The following PCDH15 variants were observed in gnomAD, a reference collection of about 807,000 sequenced individuals.
PCDH15 encodes the protein protocadherin-15.
A neutral mutation model predicts 178.5 loss-of-function variants in PCDH15; 129 were observed. The ratio of observed to expected loss-of-function variants is 0.72; its 90% confidence interval spans 0.63 to 0.84. The LOEUF (loss-of-function observed/expected upper bound fraction) is 0.84. Ranked by LOEUF, PCDH15 falls within the 40% of genes least tolerant of loss-of-function variation. The pLI, the probability that PCDH15 is intolerant of heterozygous loss-of-function variation, is 0.00. For synonymous variants in PCDH15, 800 were observed against 732.0 expected (o/e 1.09, Z -1.50); for missense variants, 2,230 against 2,099.9 (o/e 1.06, Z -1.21).
chr10:54,434,045 G>T (rs7090335), intron 3 of PCDH15, among the ~76,000 whole-genome samples: 4,947 of 152,034 alleles, frequency 0.033, 282 homozygotes, highest in African/African-American at 0.11. Context: ...AGGCTAAAAT[G>T]TGTTTAACAA....
chr10:54,754,942 CTTTT>C (rs35143502), intron 1 of PCDH15, among the ~76,000 whole-genome samples: 9 of 33,846 alleles, frequency 2.7e-4, no homozygotes, highest in Non-Finnish European at 4.4e-4. Flanking sequence ...GTTTTTCTTT[CTTTT>C]TTTTTTTTTT....
At chr10:55,205,057 T>A (rs1480854027) in intron 1 of PCDH15, among the ~76,000 whole-genome samples, 1 of 152,104 alleles carries the variant, frequency 6.6e-6, no homozygotes, top group Non-Finnish European at 1.5e-5. Context: ...GCTCCTCAGA[T>A]ATCCTCAGAT....
chr10:55,429,933 C>T (rs1838844049), intron 2 of PCDH15, among the ~76,000 whole-genome samples: 1 of 152,160 alleles, frequency 6.6e-6, no homozygotes, highest in South Asian at 2.1e-4. Context: ...TTCCCCAAAT[C>T]AACCTTTTCT....
upstream of PCDH15, among the ~76,000 whole-genome samples, chr10:55,323,067 G>C (rs1199552255): frequency 6.6e-6 from 1 of 152,206 alleles, no homozygotes; most frequent in East Asian, 1.9e-4. Flanking sequence ...TTGAAGCTCA[G>C]GCTTGAGTTC....
At chr10:55,338,525 G>A (rs1001534499) in intron 2 of PCDH15, among the ~76,000 whole-genome samples, 3 of 152,060 alleles carry the variant, frequency 2.0e-5, no homozygotes, top group Non-Finnish European at 2.9e-5. Context: ...CCCAGCACTC[G>A]GGGAGACCAA....
intron 3 of PCDH15, among the ~76,000 whole-genome samples, chr10:54,389,937 C>T (rs192814800): frequency 1.5e-4 from 23 of 152,070 alleles, no homozygotes; most frequent in Admixed American, 6.6e-4. Flanking sequence ...AGTGAGACTC[C>T]GTCTTAAAAT....
intron 2 of PCDH15, among the ~76,000 whole-genome samples, chr10:55,497,716 T>A (rs889789549): frequency 2.0e-5 from 3 of 151,908 alleles, no homozygotes; most frequent in African/African-American, 7.2e-5. Context: ...AAGACTTAGT[T>A]TGAGTGTTCT....
chr10:53,900,185 ATTCT>A (rs138715315), intron 26 of PCDH15, among the ~76,000 whole-genome samples: 11,509 of 150,432 alleles, frequency 0.077, 1,240 homozygotes, highest in African/African-American at 0.24. Flanking sequence ...GCATAAACAC[ATTCT>A]TTCTCTCTCT....
intron 1 of PCDH15, among the ~76,000 whole-genome samples, chr10:55,171,035 C>T (rs1045514427): frequency 6.6e-5 from 10 of 152,178 alleles, no homozygotes; most frequent in African/African-American, 1.9e-4. Flanking sequence ...CTCCATCTCT[C>T]AATAATAGAA....
intron 3 of PCDH15, among the ~76,000 whole-genome samples, chr10:54,853,867 AG>A (rs1415687393): frequency 6.6e-6 from 1 of 152,172 alleles, no homozygotes; most frequent in Non-Finnish European, 1.5e-5. Flanking sequence ...TTATGCCACA[AG>A]ATCTTTGGGG....
intron 8 of PCDH15, among the ~76,000 whole-genome samples, chr10:54,312,978 A>G (rs556705124): frequency 1.3e-5 from 2 of 152,244 alleles, no homozygotes; most frequent in South Asian, 2.1e-4. Context: ...TATAAATCTT[A>G]AATTCTCATT....
chr10:53,806,212 C>G lies in PCDH15; in HGVS notation c.*367G>C, dbSNP rs541375271. 2.8e-5 allele frequency: 5 copies of G among 179,224 alleles called. No individual in the cohort carries two copies. In the South Asian group the frequency reaches 6.3e-4, roughly 23 times the overall value. The allele number at this position is 179,224 out of a possible 1,614,324, so 11.1% of individuals were successfully genotyped here. Reference sequence around the variant, plus strand: ...GCTATGGAAAATAAAATTACATGTACTAAAAATGTTTTGTGGAGCTAGAAA... The same window carrying G: ...GCTATGGAAAATAAAATTACATGTAGTAAAAATGTTTTGTGGAGCTAGAAA... On this transcript the variant is annotated 3_prime_UTR_variant, in exon 38 of 38. Coordinates refer to ENST00000644397, the MANE Select transcript of PCDH15 (RefSeq NM_001384140.1).
At chr10:53,985,339 C>G (rs2091018974) in intron 21 of PCDH15, among the ~76,000 whole-genome samples, 1 of 152,178 alleles carries the variant, frequency 6.6e-6, no homozygotes, top group East Asian at 1.9e-4. Flanking sequence ...GGGTACTTCA[C>G]ACTAACTAAT....
At chr10:53,964,228 T>C (rs2088692992) in intron 21 of PCDH15, among the ~76,000 whole-genome samples, 1 of 152,060 alleles carries the variant, frequency 6.6e-6, no homozygotes, top group Non-Finnish European at 1.5e-5. Context: ...GCATATATTT[T>C]ATGTATTTAC....
intron 2 of PCDH15, among the ~76,000 whole-genome samples, chr10:55,136,292 TAAAC>T (rs1217189659): frequency 6.6e-6 from 1 of 152,128 alleles, no homozygotes; most frequent in Admixed American, 6.6e-5. Flanking sequence ...TGTTTTCTGT[TAAAC>T]AAAGGATTGG....
chr10:54,813,466 C>T (rs1952899246), intron 3 of PCDH15, among the ~76,000 whole-genome samples: 1 of 152,188 alleles, frequency 6.6e-6, no homozygotes, highest in South Asian at 2.1e-4. Context: ...GCAAAAGATA[C>T]CCCCATCTAT....
chr10:54,666,048 G>A (rs2094566088), intron 1 of PCDH15, among the ~76,000 whole-genome samples: 1 of 151,942 alleles, frequency 6.6e-6, no homozygotes, highest in Non-Finnish European at 1.5e-5. Context: ...TATCATAATG[G>A]ATATAAAATA....
intron 2 of PCDH15, among the ~76,000 whole-genome samples, chr10:55,077,250 G>A (rs146919500): frequency 6.6e-6 from 1 of 152,172 alleles, no homozygotes; most frequent in African/African-American, 2.4e-5. Flanking sequence ...ACTTTTAAGT[G>A]AATAATTTAA....
intron 3 of PCDH15, among the ~76,000 whole-genome samples, chr10:54,408,887 G>A (rs1953066262): frequency 6.6e-6 from 1 of 152,266 alleles, no homozygotes; most frequent in Admixed American, 6.5e-5. Context: ...TGGATCATGG[G>A]AAAGGCAGCA....
Sources: allele counts gnomAD v4.1 joint callset (sites outside exome capture counted in the v4.1 genomes callset), GRCh38; gene constraint gnomAD v4.1.1; transcripts MANE v1.5; gene names NCBI Gene and HGNC (gene_info 2026-07-23, HGNC 2026-07-21).